The following YBEY variants were observed in gnomAD, a reference collection of about 807,000 sequenced individuals.
YBEY encodes endoribonuclease YbeY.
In YBEY, 15 loss-of-function variants were observed where a neutral mutation model predicts 13.5. The ratio of observed to expected loss-of-function variants is 1.11; its 90% confidence interval spans 0.75 to 1.72. YBEY has a LOEUF of 1.72. YBEY is among the 40% of genes most tolerant of loss of function. The pLI, the probability that YBEY is intolerant of heterozygous loss-of-function variation, is 0.00. For missense variants in YBEY, 244 were observed against 208.4 expected, an observed-to-expected ratio of 1.17 and a Z score of -1.05; for synonymous variants, 101 against 83.1, an observed-to-expected ratio of 1.21 and a Z score of -1.17.
Position 46,297,701 on chromosome 21 carries a change from CGAAT to C in YBEY, c.*68_*71del, listed in dbSNP as rs1214492304. On this transcript the variant is annotated 3_prime_UTR_variant, in exon 5 of 5. Coordinates refer to ENST00000397701, the MANE Select transcript of YBEY (RefSeq NM_001314025.2). ...GGCTGCGGGGAGCCGGGGTCGCACA[CGAAT>C]AAATAACGAATGAACGTACGAGGGG... The C allele has an allele frequency of 9.5e-6, 12 of 1,268,164 alleles. No homozygotes were observed. The highest frequency in any genetic ancestry group is 4.6e-5 in the African/African-American group (3 of 64,590). 78.6% of individuals were successfully genotyped at this position (1,268,164 alleles called of 1,614,324 possible). A position where few individuals can be genotyped will look rare whatever the true frequency, so the allele number is the denominator to read the frequency against.
chr21:46,295,095 G>C (rs1403104671), intron 3 of YBEY, among the ~76,000 whole-genome samples: 1 of 152,166 alleles, frequency 6.6e-6, no homozygotes, highest in Non-Finnish European at 1.5e-5. Flanking sequence ...CTGTGGGCGG[G>C]GGGGTATGTG....
intron 3 of YBEY, among the ~76,000 whole-genome samples, chr21:46,294,460 G>A (rs1338326119): frequency 3.8e-4 from 26 of 67,952 alleles, no homozygotes; most frequent in African/African-American, 1.3e-3. Flanking sequence ...CCGTGCCCGG[G>A]ACTCAGTGGG....
chr21:46,301,802 C>T, downstream of YBEY: 1 of 1,246,184 alleles, frequency 8.0e-7, no homozygotes, highest in Non-Finnish European at 1.0e-6. Context: ...GCAAGGGATG[C>T]CCCCTGGAAT....
chr21:46,291,722 A>G, intron 3 of YBEY: 3 of 1,237,042 alleles, frequency 2.4e-6, no homozygotes, highest in Non-Finnish European at 3.0e-6. Context: ...TCTCTGGAGT[A>G]GAGCAGACTA....
At chr21:46,300,423 C>T, downstream of YBEY, 1 of 199,608 alleles carries the variant, frequency 5.0e-6, no homozygotes, top group South Asian at 8.5e-5. Context: ...AAGAGCAAAA[C>T]TCTGTCTCAA....
At chr21:46,298,575 G>T (rs567635217), downstream of YBEY, among the ~76,000 whole-genome samples, 1 of 151,392 alleles carries the variant, frequency 6.6e-6, no homozygotes. Context: ...GACTACAGGC[G>T]CCCGCCACCT....
Position 46,287,026 on chromosome 21 carries a change from G to A in YBEY, c.113G>A (p.Gly38Glu). 1 of 1,613,900 alleles carries A rather than the reference G, an allele frequency of 6.2e-7. No homozygotes were observed. Among genetic ancestry groups the A allele is most frequent in the Non-Finnish European group, 8.5e-7 (1 of 1,179,978 alleles). ...TTAGGAGTGCAGAAATTTGACCTGG[G>A]GATCATCTGTGTTGACAACAAGAAT... is the stretch of plus-strand genomic sequence containing the variant. ...RILGVQKFDLGIICVDNKNIQ... is the reference protein window; with the variant it reads ...RILGVQKFDLEIICVDNKNIQ... The change falls in exon 2 of 5, where the codon GGG (glycine) becomes GAG (glutamate). Residue 38 changes from glycine (G) to glutamate (E), a missense_variant. Physicochemically the swap from Gly to Glu is moderately conservative, Grantham distance 98. Transcript: ENST00000397701.
intron 3 of YBEY, among the ~76,000 whole-genome samples, chr21:46,295,851 TTCA>T (rs1359453768): frequency 5.8e-5 from 8 of 137,250 alleles, no homozygotes; most frequent in South Asian, 2.7e-4. Context: ...TCCCCACTTC[TTCA>T]TATTCCATCC....
At chr21:46,297,840 C>A, downstream of YBEY, 1 of 1,150,622 alleles carries the variant, frequency 8.7e-7, no homozygotes, top group Non-Finnish European at 1.1e-6. Context: ...GAACGCGTGG[C>A]CCCCGCCCGG....
At chr21:46,309,757 G>A in the YBEY span, among the ~76,000 whole-genome samples, 1 of 152,166 alleles carries the variant, frequency 6.6e-6, no homozygotes, top group Non-Finnish European at 1.5e-5. Context: ...AGCACTTTGG[G>A]AGGCTGAGGT....
At chr21:46,299,395 G>A (rs2082054942), downstream of YBEY, among the ~76,000 whole-genome samples, 2 of 152,114 alleles carry the variant, frequency 1.3e-5, no homozygotes, top group African/African-American at 4.8e-5. Context: ...CTAGGAACCT[G>A]GTAGTTAGGA....
chr21:46,310,421 G>A, the YBEY span, among the ~76,000 whole-genome samples: 2 of 151,114 alleles, frequency 1.3e-5, no homozygotes, highest in South Asian at 2.1e-4. Context: ...GGAGGTTGCA[G>A]TGAGCCAAGA....
At chr21:46,301,575 C>T (rs952911170), downstream of YBEY, 1 of 995,846 alleles carries the variant, frequency 1.0e-6, no homozygotes, top group African/African-American at 1.7e-5. Flanking sequence ...CTTTTCTGTT[C>T]TGGCTCCTGA....
chr21:46,305,298 G>GT, the YBEY span, among the ~76,000 whole-genome samples: 314 of 124,360 alleles, frequency 2.5e-3, 1 homozygote, highest in South Asian at 0.024. Context: ...AAGTTACATG[G>GT]TTTTTTTTTT....
intron 3 of YBEY, among the ~76,000 whole-genome samples, chr21:46,295,861 A>AC (rs2081936991): frequency 4.2e-5 from 3 of 71,922 alleles, no homozygotes; most frequent in Admixed American, 1.8e-4. Context: ...TTCATATTCC[A>AC]TCCCCCCTTG....
At chr21:46,303,059 G>A in the YBEY span, among the ~76,000 whole-genome samples, 2 of 152,158 alleles carry the variant, frequency 1.3e-5, no homozygotes, top group African/African-American at 4.8e-5. Context: ...AGCTCCTTGG[G>A]AGGCTGAGGC....
chr21:46,312,907 C>A, the YBEY span: 1 of 733,678 alleles, frequency 1.4e-6, no homozygotes, highest in Non-Finnish European at 1.7e-6. Flanking sequence ...ATATATAGAA[C>A]ACGTCATGAA....
At chr21:46,288,257 A>G (rs2081547052) in intron 2 of YBEY, among the ~76,000 whole-genome samples, 1 of 152,246 alleles carries the variant, frequency 6.6e-6, no homozygotes, top group African/African-American at 2.4e-5. Flanking sequence ...CATTCTGTAG[A>G]TGACTTCATT....
chr21:46,296,463 C>G (rs986458907), intron 4 of YBEY, among the ~76,000 whole-genome samples: 19 of 152,240 alleles, frequency 1.2e-4, no homozygotes, highest in Admixed American at 1.2e-3. Flanking sequence ...AGAGCCACAG[C>G]TGACACTAGC....
Sources: gnomAD v4.1 joint callset for allele counts (sites outside exome capture counted in the v4.1 genomes callset) on GRCh38, gnomAD v4.1.1 for gene constraint, MANE v1.5 for transcripts, NCBI Gene and HGNC (gene_info 2026-07-23, HGNC 2026-07-21) for gene names.